Variants in XPO1 observed in about 807,000 individuals in gnomAD.
XPO1 encodes the protein exportin 1.
A neutral mutation model predicts 133.3 loss-of-function variants in XPO1; 5 were observed. That is an observed-to-expected ratio of 0.04 (90% CI 0.02 to 0.08). The LOEUF (loss-of-function observed/expected upper bound fraction) is 0.08. XPO1 is among the 10% of genes least tolerant of loss of function. XPO1 has a pLI of 1.00. For missense variants in XPO1, 506 were observed against 1,267.5 expected (o/e 0.40, Z 9.12); for synonymous variants, 419 against 408.2 (o/e 1.03, Z -0.32).
chr2:61,531,390 T>C (rs1699148852), intron 2 of XPO1, among the ~76,000 whole-genome samples: 1 of 152,254 alleles, frequency 6.6e-6, no homozygotes, highest in Non-Finnish European at 1.5e-5. Context: ...TTTCTTAATC[T>C]ACTTTTTATT....
At position 61,492,269 on chromosome 2, in the gene XPO1, T is replaced by C; in HGVS notation, c.1723+56A>G. 1.3e-6 allele frequency: 2 copies of C among 1,583,060 alleles called. No individual in the cohort carries two copies. Among genetic ancestry groups the C allele is most frequent in the East Asian group, 2.2e-5 (1 of 44,742 alleles). On this transcript the variant is annotated intron_variant, in intron 15 of 24. Transcript: ENST00000401558. The surrounding 1 kb of genome is among the most constrained non-coding windows in gnomAD (Gnocchi z 5.6). ...TGGGTCTCTAACAAGACAAAAACAT[T>C]CATTTATTTTCTTCAATAAAAATAA...
chr2:61,490,168 C>A (rs1163373957), intron 17 of XPO1, among the ~76,000 whole-genome samples: 1 of 151,412 alleles, frequency 6.6e-6, no homozygotes, highest in South Asian at 2.1e-4. Context: ...GGATTACAGG[C>A]GTGAGCCACC....
intron 10 of XPO1, among the ~76,000 whole-genome samples, chr2:61,496,215 C>T (rs1697234649): frequency 6.6e-6 from 1 of 151,660 alleles, no homozygotes; most frequent in African/African-American, 2.4e-5. Flanking sequence ...ATCTATCTTT[C>T]CTTGTTTTTT....
At chr2:61,486,049 G>T in intron 19 of XPO1, 87 bp from the exon 20 acceptor site, 1 of 1,239,048 alleles carries the variant, frequency 8.1e-7, no homozygotes, top group Non-Finnish European at 1.1e-6. Context: ...TCTATGAGAT[G>T]TAGCATGATC....
chr2:61,487,940 T>C (rs948133114), intron 19 of XPO1, among the ~76,000 whole-genome samples: 1 of 152,226 alleles, frequency 6.6e-6, no homozygotes, highest in African/African-American at 2.4e-5. Context: ...CTTAGCTATC[T>C]TGTTACATAT....
At chr2:61,514,293 A>C (rs934031133) in intron 4 of XPO1, among the ~76,000 whole-genome samples, 1 of 150,678 alleles carries the variant, frequency 6.6e-6, no homozygotes, top group Non-Finnish European at 1.5e-5. Context: ...GAACAACACT[A>C]CTCCACATGG....
chr2:61,504,552 G>A (rs887418533), intron 4 of XPO1, among the ~76,000 whole-genome samples: 9 of 152,102 alleles, frequency 5.9e-5, no homozygotes, highest in African/African-American at 1.2e-4. Flanking sequence ...TTTTCATAGC[G>A]TTCAGATTTT....
Position 61,493,064 on chromosome 2 carries a change from C to T in XPO1, c.1246-11G>A. The T allele has an allele frequency of 6.4e-7, 1 of 1,556,954 alleles. No homozygotes were observed. The highest frequency in any genetic ancestry group is 8.6e-7 in the Non-Finnish European group (1 of 1,161,886). On this transcript the variant is annotated splice_polypyrimidine_tract_variant and intron_variant, in intron 12 of 24. Coordinates refer to ENST00000401558, the MANE Select transcript of XPO1 (RefSeq NM_003400.4). Reference sequence around the variant, plus strand: ...CATTAATAAACGGACCTATACTCAACAATATATCAATCAAGAAAAAAATCG... The same window carrying T: ...CATTAATAAACGGACCTATACTCAATAATATATCAATCAAGAAAAAAATCG...
chr2:61,516,058 T>C (rs1698371994), intron 4 of XPO1, among the ~76,000 whole-genome samples: 1 of 150,032 alleles, frequency 6.7e-6, no homozygotes, highest in Non-Finnish European at 1.5e-5. Context: ...CCCAGGAGGC[T>C]GAGCATCCAG....
chr2:61,517,781 A>AT (rs1463176177), intron 4 of XPO1, among the ~76,000 whole-genome samples: 1 of 151,834 alleles, frequency 6.6e-6, no homozygotes, highest in Non-Finnish European at 1.5e-5. Flanking sequence ...AAAAAAAAAA[A>AT]TTTTTTTTAA....
chr2:61,486,237 A>C (rs1371140652), intron 19 of XPO1, among the ~76,000 whole-genome samples: 2 of 151,922 alleles, frequency 1.3e-5, no homozygotes, highest in Admixed American at 1.3e-4. Flanking sequence ...TGCAGTGGCA[A>C]ATCTCTGCTC....
intron 23 of XPO1, 140 bp downstream of exon 23, chr2:61,482,240 T>C (rs1573100269): frequency 2.5e-6 from 1 of 394,946 alleles, no homozygotes; most frequent in African/African-American, 6.5e-5. Context: ...GACGGGATCT[T>C]GTTTTGTTGT....
At chr2:61,532,189 G>A (rs1386506729) in intron 2 of XPO1, among the ~76,000 whole-genome samples, 1 of 151,936 alleles carries the variant, frequency 6.6e-6, no homozygotes, top group Non-Finnish European at 1.5e-5. Context: ...GTGCAGTGGC[G>A]CAACCTCGGC....
At chr2:61,500,140 T>A (rs964736220) in intron 6 of XPO1, among the ~76,000 whole-genome samples, 2 of 152,166 alleles carry the variant, frequency 1.3e-5, no homozygotes, top group Non-Finnish European at 2.9e-5. Context: ...GTCCAATCCG[T>A]CTAATGGGTC....
At chr2:61,515,490 G>C (rs1390211160) in intron 4 of XPO1, among the ~76,000 whole-genome samples, 1 of 152,094 alleles carries the variant, frequency 6.6e-6, no homozygotes, top group Non-Finnish European at 1.5e-5. Flanking sequence ...ACTGGTATAT[G>C]GCAATTTGGT....
At chr2:61,528,991 T>C (rs554239190) in intron 2 of XPO1, among the ~76,000 whole-genome samples, 243 of 152,076 alleles carry the variant, frequency 1.6e-3, no homozygotes, top group African/African-American at 5.4e-3. Flanking sequence ...CTCATGTCTG[T>C]AATCCCAGGA....
At position 61,492,216 on chromosome 2, in the gene XPO1, T is replaced by C; in HGVS notation, c.1724-18A>G. 3 of 1,612,078 alleles carry C rather than the reference T, an allele frequency of 1.9e-6. No homozygotes were observed. The highest frequency in any genetic ancestry group is 1.7e-6 in the Non-Finnish European group (2 of 1,178,978). ...ATGGGTCTCTAACAAGACAAAAATA[T>C]TCATTTATTTTGTCCTGGACTCCAT... On this transcript the variant is annotated intron_variant, in intron 15 of 24. Transcript: ENST00000401558. This position sits in a 1 kb window ranked among gnomAD's most constrained non-coding sequence, Gnocchi z 5.6.
At chr2:61,512,782 C>A (rs1698156294) in intron 4 of XPO1, among the ~76,000 whole-genome samples, 1 of 152,164 alleles carries the variant, frequency 6.6e-6, no homozygotes, top group African/African-American at 2.4e-5. Flanking sequence ...GTAGCTCACA[C>A]ATAATCCCAG....
chr2:61,481,312 G>A (rs957046423), intron 23 of XPO1, 31 bp from the exon 24 acceptor site: 1 of 1,541,022 alleles, frequency 6.5e-7, no homozygotes, highest in Non-Finnish European at 8.9e-7. Context: ...ATTAAATAAT[G>A]ATTTATTTTT....
Sources: gnomAD v4.1 joint callset for allele counts (sites outside exome capture counted in the v4.1 genomes callset) on GRCh38, gnomAD v4.1.1 for gene constraint, Gnocchi (gnomAD v3.1) non-coding constraint, MANE v1.5 for transcripts, NCBI Gene and HGNC (gene_info 2026-07-23, HGNC 2026-07-21) for gene names.